Variants in VAV2 observed in about 807,000 individuals in gnomAD.
VAV2 encodes guanine nucleotide exchange factor VAV2.
A neutral mutation model predicts 132.5 loss-of-function variants in VAV2; 67 were observed. That is an observed-to-expected ratio of 0.51 (90% CI 0.42 to 0.62). VAV2 has a LOEUF of 0.62. Among genes scored for constraint, VAV2 ranks in the 20% least tolerant of loss-of-function variants. VAV2 has a pLI of 0.00. For missense variants in VAV2, 938 were observed against 1,153.6 expected (o/e 0.81, Z 2.71); for synonymous variants, 492 against 443.5 (o/e 1.11, Z -1.37).
At chr9:133,830,761 T>C (rs1460716398) in intron 4 of VAV2, among the ~76,000 whole-genome samples, 2 of 152,212 alleles carry the variant, frequency 1.3e-5, no homozygotes, top group African/African-American at 4.8e-5. Flanking sequence ...GGCATGCGCT[T>C]GTGTCTTGTA....
At chr9:133,787,868 A>G (rs548487596) in intron 15 of VAV2, among the ~76,000 whole-genome samples, 2 of 148,436 alleles carry the variant, frequency 1.3e-5, no homozygotes, top group African/African-American at 5.0e-5. Flanking sequence ...CAGCAGCCAC[A>G]GGCCCCAGCC....
Position 133,777,478 on chromosome 9 carries a change from A to T in VAV2, c.1891-15T>A. ...ACCAGACGACCCTGGCAGAGGAAAG[A>T]GATGGTTAGGACAAGGGGGCCGAGC... On this transcript the variant is annotated splice_polypyrimidine_tract_variant and intron_variant, in intron 22 of 29. Transcript: ENST00000371850. 6.2e-7 allele frequency: 1 copy of T among 1,613,260 alleles called. No individual in the cohort carries two copies. The highest frequency in any genetic ancestry group is 8.5e-7 in the Non-Finnish European group (1 of 1,179,830).
chr9:133,949,143 C>T (rs1002347724), intron 1 of VAV2, among the ~76,000 whole-genome samples: 11 of 152,082 alleles, frequency 7.2e-5, no homozygotes, highest in Non-Finnish European at 1.5e-4. Context: ...AGGATGACTA[C>T]CAAAACGCGA....
chr9:133,958,682 G>A (rs2519810), intron 1 of VAV2, among the ~76,000 whole-genome samples: 98,339 of 151,348 alleles, frequency 0.65, 32,114 homozygotes, highest in East Asian at 0.78. Context: ...TCTTTTCCAA[G>A]TCTCTCGTTC....
At chr9:133,985,084 T>C (rs1005941856) in intron 1 of VAV2, among the ~76,000 whole-genome samples, 9 of 152,162 alleles carry the variant, frequency 5.9e-5, no homozygotes, top group Admixed American at 3.9e-4. Context: ...TCAACATGTA[T>C]AGACACATAT....
rs1160207399 is a variant in VAV2 at position 133,896,076 on chromosome 9, C to A, written c.322-34644G>T. On this transcript the variant is annotated intron_variant, in intron 2 of 29. Transcript: ENST00000371850. ...TGGTTTTCCTAGGCAGAGGACCCTG[C>A]GGCCTTCCGCAGTGTTTGTGTCCCT... Among the ~76,000 whole-genome samples the A allele has an allele frequency of 8.1e-5, 12 of 147,766 alleles. 2 individuals carry two copies. The highest frequency in any genetic ancestry group is 1.3e-4 in the Non-Finnish European group (9 of 67,036).
At position 133,812,825 on chromosome 9, in the gene VAV2, A is replaced by G. The variant is rs145576909; in HGVS notation, c.450-609T>C. Among the ~76,000 whole-genome samples, 260 of 152,154 alleles carry G rather than the reference A, an allele frequency of 1.7e-3. 1 individual carries two copies. Among genetic ancestry groups the G allele is most frequent in the African/African-American group, 6.1e-3 (252 of 41,506 alleles). ...TTTTAGCTCATGGTCCTACTCCAAC[A>G]AGCCACCCCTCTGCCTGCAGGACTC... On this transcript the variant is annotated intron_variant, in intron 4 of 29. Coordinates refer to ENST00000371850, the MANE Select transcript of VAV2 (RefSeq NM_001134398.2).
intron 2 of VAV2, among the ~76,000 whole-genome samples, chr9:133,894,251 G>A (rs900423116): frequency 6.6e-6 from 1 of 152,242 alleles, no homozygotes; most frequent in Non-Finnish European, 1.5e-5. Flanking sequence ...TGGGGGAGCC[G>A]GGGCCCGGCC....
intron 2 of VAV2, among the ~76,000 whole-genome samples, chr9:133,925,592 G>A (rs1840448973): frequency 6.6e-6 from 1 of 152,164 alleles, no homozygotes; most frequent in African/African-American, 2.4e-5. Flanking sequence ...CAGGGGCAGA[G>A]TGGCCAAGGA....
chr9:133,976,887 CTG>C (rs1418025062), intron 1 of VAV2, among the ~76,000 whole-genome samples: 1 of 152,236 alleles, frequency 6.6e-6, no homozygotes, highest in Non-Finnish European at 1.5e-5. Context: ...GAGAAGGAAA[CTG>C]AGGCTCCAGG....
At chr9:133,949,655 C>G (rs947143518) in intron 1 of VAV2, among the ~76,000 whole-genome samples, 1 of 152,204 alleles carries the variant, frequency 6.6e-6, no homozygotes, top group Non-Finnish European at 1.5e-5. Context: ...TGCCAGAAGA[C>G]TCAGAGGGCC....
At chr9:133,865,325 A>C (rs548377900) in intron 2 of VAV2, among the ~76,000 whole-genome samples, 2 of 152,114 alleles carry the variant, frequency 1.3e-5, no homozygotes, top group East Asian at 1.9e-4. Context: ...TTCACATGTG[A>C]CCTCATCCCA....
At chr9:133,809,217 G>A (rs1163042208) in intron 6 of VAV2, 79 bp from the exon 7 acceptor site, 12 of 1,249,058 alleles carry the variant, frequency 9.6e-6, no homozygotes, top group Admixed American at 7.2e-5. Flanking sequence ...CGCGACACCC[G>A]GACACCTCCA....
chr9:133,781,231 GC>G (rs1292082871), intron 19 of VAV2, among the ~76,000 whole-genome samples: 1 of 152,234 alleles, frequency 6.6e-6, no homozygotes, highest in Non-Finnish European at 1.5e-5. Flanking sequence ...ACACCCAGGT[GC>G]CAACACGCTC....
chr9:133,775,989 C>G (rs773574824), intron 24 of VAV2, 39 bp downstream of exon 24: 2 of 1,575,188 alleles, frequency 1.3e-6, no homozygotes, highest in Admixed American at 1.7e-5. Context: ...AACAAAGAGG[C>G]CACCAGATGC....
intron 2 of VAV2, among the ~76,000 whole-genome samples, chr9:133,888,359 T>C (rs1838796426): frequency 1.4e-5 from 2 of 147,214 alleles, no homozygotes; most frequent in South Asian, 2.2e-4. Flanking sequence ...CTAAATGCTA[T>C]GTTCTGTGTA....
chr9:133,986,488 G>A (rs2132308303), intron 1 of VAV2, among the ~76,000 whole-genome samples: 1 of 152,330 alleles, frequency 6.6e-6, no homozygotes, highest in African/African-American at 2.4e-5. Flanking sequence ...ACGGGTCACG[G>A]ATTGCTGCTG....
chr9:133,774,020 C>G (rs1833726282), intron 25 of VAV2, among the ~76,000 whole-genome samples: 1 of 152,224 alleles, frequency 6.6e-6, no homozygotes, highest in Non-Finnish European at 1.5e-5. Context: ...TATGGGGTCC[C>G]TCACAGACTG....
chr9:133,840,252 T>C lies in VAV2; in HGVS notation c.381-5912A>G, dbSNP rs2510233. Among the ~76,000 whole-genome samples the C allele has an allele frequency of 0.028, 4,250 of 152,144 alleles. 204 individuals carry two copies. The highest frequency in any genetic ancestry group is 0.097 in the African/African-American group (4,004 of 41,486). ...TCGTGCCCGGCTTCGGGAAGCAGAG[T>C]TTCCCACTGCACCGCCGAGGGGACG... On this transcript the variant is annotated intron_variant, in intron 3 of 29. Transcript: ENST00000371850. This position sits in a 1 kb window ranked among gnomAD's most constrained non-coding sequence, Gnocchi z 4.5.
Sources: gnomAD v4.1 joint callset for allele counts (sites outside exome capture counted in the v4.1 genomes callset) on GRCh38, gnomAD v4.1.1 for gene constraint, Gnocchi (gnomAD v3.1) non-coding constraint, MANE v1.5 for transcripts, NCBI Gene and HGNC (gene_info 2026-07-23, HGNC 2026-07-21) for gene names.